Variants in EPB41L4B observed in about 807,000 individuals in gnomAD.
EPB41L4B encodes band 4.1-like protein 4B.
In EPB41L4B, 30 loss-of-function variants were observed where a neutral mutation model predicts 112.5. The ratio of observed to expected loss-of-function variants is 0.27; its 90% CI spans 0.20 to 0.36. The LOEUF is 0.36. Among genes scored for constraint, EPB41L4B ranks in the 10% least tolerant of loss-of-function variants. EPB41L4B has a pLI of 1.00. For missense variants in EPB41L4B, 1,024 were observed against 1,133.3 expected (o/e 0.90, Z 1.38); for synonymous variants, 408 against 439.7 (o/e 0.93, Z 0.90).
intron 4 of EPB41L4B, among the ~76,000 whole-genome samples, chr9:109,266,386 G>A (rs1016673257): frequency 6.6e-6 from 1 of 151,772 alleles, no homozygotes; most frequent in Non-Finnish European, 1.5e-5. Context: ...CAAAAAAAAA[G>A]CCCAGGGGAA....
rs77683406 is a variant in EPB41L4B at position 109,271,701 on chromosome 9, C to T, written c.412-3268G>A. Among the ~76,000 whole-genome samples the T allele has an allele frequency of 8.5e-3, 1,300 of 152,266 alleles. 18 individuals carry two copies. The highest frequency in any genetic ancestry group is 0.03 in the African/African-American group (1,232 of 41,554). On this transcript the variant is annotated intron_variant, in intron 2 of 25. Coordinates refer to ENST00000374566, the MANE Select transcript of EPB41L4B (RefSeq NM_019114.5). Reference sequence around the variant, plus strand: ...GTGTCTTGGCTAAATATAGCCATGCCGCCTGTGGGTAAACGCCAAGGCAAA... The same window carrying T: ...GTGTCTTGGCTAAATATAGCCATGCTGCCTGTGGGTAAACGCCAAGGCAAA...
chr9:109,279,368 C>T (rs563032877), intron 2 of EPB41L4B, among the ~76,000 whole-genome samples: 2 of 152,208 alleles, frequency 1.3e-5, no homozygotes, highest in South Asian at 4.2e-4. Context: ...AGGCACATGC[C>T]ACCATGCCTG....
rs1837833272 is a variant in EPB41L4B at position 109,320,496 on chromosome 9, TGCC to T, written c.-53_-51del. On this transcript the variant is annotated 5_prime_UTR_variant, in exon 1 of 26. Transcript: ENST00000374566. ...CCGCCCCCTGCGCTGCCGCTGCCGC[TGCC>T]GCTGCCGCTGCGCCGCCGCCCGGGA... The T allele has an allele frequency of 1.1e-6, 1 of 928,210 alleles. No homozygotes were observed. The highest frequency in any genetic ancestry group is 1.3e-6 in the Non-Finnish European group (1 of 781,282). The allele number at this position is 928,210 out of a possible 1,614,324, so 57.5% of individuals were successfully genotyped here.
intron 21 of EPB41L4B, among the ~76,000 whole-genome samples, chr9:109,192,648 T>G (rs1832501240): frequency 1.3e-5 from 2 of 152,174 alleles, no homozygotes; most frequent in South Asian, 4.2e-4. Context: ...AAAAAACACT[T>G]GAAAGAGTCC....
intron 1 of EPB41L4B, among the ~76,000 whole-genome samples, chr9:109,291,467 G>A (rs1303047093): frequency 6.6e-6 from 1 of 152,154 alleles, no homozygotes; most frequent in Non-Finnish European, 1.5e-5. Context: ...CACAGGGAAA[G>A]CAGATTATTT....
chr9:109,227,650 C>T (rs1355277622), intron 15 of EPB41L4B, among the ~76,000 whole-genome samples: 2 of 151,708 alleles, frequency 1.3e-5, no homozygotes, highest in South Asian at 4.2e-4. Context: ...GGCGTGATCT[C>T]GGCTCACTGC....
At chr9:109,215,348 C>T (rs899354988) in intron 16 of EPB41L4B, among the ~76,000 whole-genome samples, 1 of 152,002 alleles carries the variant, frequency 6.6e-6, no homozygotes, top group Non-Finnish European at 1.5e-5. Context: ...GGCACCATCT[C>T]GGCTCACTGC....
chr9:109,232,349 G>A (rs1444425171), intron 15 of EPB41L4B, among the ~76,000 whole-genome samples: 3 of 151,498 alleles, frequency 2.0e-5, no homozygotes, highest in Middle Eastern at 3.2e-3. Context: ...GTGTTCCTGT[G>A]CCTTTATTCT....
At chr9:109,212,060 TGAC>T (rs1833201156) in intron 17 of EPB41L4B, among the ~76,000 whole-genome samples, 3 of 152,048 alleles carry the variant, frequency 2.0e-5, no homozygotes, top group Non-Finnish European at 4.4e-5. Flanking sequence ...AGTTGTAACT[TGAC>T]CTCCAGGGAA....
intron 4 of EPB41L4B, among the ~76,000 whole-genome samples, chr9:109,265,820 C>T (rs969500171): frequency 6.6e-6 from 1 of 152,214 alleles, no homozygotes; most frequent in Non-Finnish European, 1.5e-5. Flanking sequence ...GAATCCTACA[C>T]ACAAGAGTGG....
In EPB41L4B at chr9:109,306,607, AAAACAAAC is replaced by A. The variant is rs139011604; in HGVS notation, c.306+13526_306+13533del. On this transcript the variant is annotated intron_variant, in intron 1 of 25. Coordinates refer to ENST00000374566, the MANE Select transcript of EPB41L4B (RefSeq NM_019114.5). ...CAGCCTGGGCAACAGAGCGAGCAAA[AAAACAAAC>A]AAACAAACAAACAAACAAACAAAAA... 4.9e-3 allele frequency among the ~76,000 whole-genome samples: 736 copies of A among 149,992 alleles called. 9 individuals carry two copies. Among genetic ancestry groups the A allele is most frequent in the African/African-American group, 0.016 (655 of 40,750 alleles).
chr9:109,284,184 G>A (rs367975827), intron 1 of EPB41L4B, among the ~76,000 whole-genome samples: 2 of 152,238 alleles, frequency 1.3e-5, no homozygotes, highest in African/African-American at 4.8e-5. Context: ...ATCATTGAAC[G>A]CAAAGCCTAT....
intron 20 of EPB41L4B, among the ~76,000 whole-genome samples, chr9:109,199,049 T>A (rs908255634): frequency 2.0e-5 from 3 of 152,350 alleles, no homozygotes; most frequent in Non-Finnish European, 4.4e-5. Context: ...ACTCTTGTCT[T>A]TCCCTCCAGT....
chr9:109,272,192 C>T (rs1230555592), intron 2 of EPB41L4B, among the ~76,000 whole-genome samples: 3 of 152,138 alleles, frequency 2.0e-5, no homozygotes, highest in African/African-American at 7.2e-5. Context: ...CATGGTGGCT[C>T]ACACCTGTAA....
At chr9:109,311,306 C>G (rs1296373852) in intron 1 of EPB41L4B, among the ~76,000 whole-genome samples, 3 of 152,174 alleles carry the variant, frequency 2.0e-5, no homozygotes, top group Non-Finnish European at 4.4e-5. Flanking sequence ...AGGCTGACTT[C>G]AACGCACCTG....
rs573402438 is a variant in EPB41L4B at position 109,265,415 on chromosome 9, G to A, written c.534-391C>T. ...CTGGCTCTCAGCCAGCTCCACCAGC[G>A]GATTCCAGATCTGCTGCGGTGGATT... is the stretch of plus-strand genomic sequence containing the variant. On this transcript the variant is annotated intron_variant, in intron 4 of 25. Coordinates refer to ENST00000374566, the MANE Select transcript of EPB41L4B (RefSeq NM_019114.5). Among the ~76,000 whole-genome samples, 21 of 152,324 alleles carry A rather than the reference G, an allele frequency of 1.4e-4. 1 individual carries two copies. Among genetic ancestry groups the A allele is most frequent in the Admixed American group, 1.0e-3 (16 of 15,312 alleles).
At chr9:109,317,523 G>C (rs77379589) in intron 1 of EPB41L4B, among the ~76,000 whole-genome samples, 1,615 of 152,264 alleles carry the variant, frequency 0.011, 25 homozygotes, top group African/African-American at 0.037. Context: ...GCCACAGCAC[G>C]GTCACACTGA....
chr9:109,276,316 G>C (rs1000611002), intron 2 of EPB41L4B, among the ~76,000 whole-genome samples: 11 of 151,620 alleles, frequency 7.3e-5, no homozygotes, highest in Non-Finnish European at 1.2e-4. Flanking sequence ...GGTGAGGGGG[G>C]GGTCATCTGA....
rs1241339739 is a variant in EPB41L4B, at chr9:109,173,647, T to G, written c.*907A>C. 6.6e-6 allele frequency: 1 copy of G among 152,636 alleles called. No individual in the cohort carries two copies. Among genetic ancestry groups the G allele is most frequent in the African/African-American group, 2.4e-5 (1 of 41,456 alleles). 9.5% of individuals were successfully genotyped at this position (152,636 alleles called of 1,614,324 possible). On this transcript the variant is annotated 3_prime_UTR_variant, in exon 26 of 26. Coordinates refer to ENST00000374566, the MANE Select transcript of EPB41L4B (RefSeq NM_019114.5). ...TAGCTATGTAAAAATATGTGTGTAT[T>G]CATTGAGAAAGCTAGGGAACTAATT... is the stretch of plus-strand genomic sequence containing the variant.
Sources: gnomAD v4.1 joint callset for allele counts (sites outside exome capture counted in the v4.1 genomes callset) on GRCh38, gnomAD v4.1.1 for gene constraint, MANE v1.5 for transcripts, NCBI Gene and HGNC (gene_info 2026-07-23, HGNC 2026-07-21) for gene names.